The following WNT3A variants were observed in gnomAD, a reference collection of about 807,000 sequenced individuals.
WNT3A encodes Wnt family member 3A, also known as protein Wnt-3a.
In WNT3A, 17 loss-of-function variants were observed where a neutral mutation model predicts 37.0. The observed-to-expected ratio is 0.46, with a 90% CI of 0.31 to 0.69. The LOEUF (loss-of-function observed/expected upper bound fraction) is 0.69. Ranked by LOEUF, WNT3A falls within the 30% of genes least tolerant of loss-of-function variation. The pLI is 0.05. For missense variants in WNT3A, 411 were observed against 510.2 expected (o/e 0.81, Z 1.87); for synonymous variants, 187 against 211.0 (o/e 0.89, Z 0.99).
chr1:228,045,971 G>A (rs1186823249), intron 2 of WNT3A, among the ~76,000 whole-genome samples: 1 of 152,242 alleles, frequency 6.6e-6, no homozygotes, highest in African/African-American at 2.4e-5. Flanking sequence ...CGCGGCTAGG[G>A]AGGGAGTCAG....
chr1:228,012,739 T>C (rs186135331), intron 1 of WNT3A, among the ~76,000 whole-genome samples: 1 of 151,888 alleles, frequency 6.6e-6, no homozygotes, highest in Admixed American at 6.6e-5. Context: ...GGGGCAGAGG[T>C]TGCAGGTGCC....
At chr1:228,034,758 C>G (rs990261266) in intron 2 of WNT3A, among the ~76,000 whole-genome samples, 4 of 152,154 alleles carry the variant, frequency 2.6e-5, no homozygotes, top group Non-Finnish European at 5.9e-5. Flanking sequence ...CAGCCCATGA[C>G]TCAGTTAGGT....
At chr1:228,048,991 A>G (rs1398747218) in intron 2 of WNT3A, among the ~76,000 whole-genome samples, 1 of 152,022 alleles carries the variant, frequency 6.6e-6, no homozygotes, top group Non-Finnish European at 1.5e-5. Flanking sequence ...CTTGGCCTCT[A>G]TTTCCCCATT....
chr1:228,035,863 A>C, intron 2 of WNT3A, among the ~76,000 whole-genome samples: 4 of 151,080 alleles, frequency 2.6e-5, no homozygotes, highest in Admixed American at 1.3e-4. Flanking sequence ...TGATCCTACT[A>C]CCCCCTTCTC....
In WNT3A at chr1:228,054,450, C is replaced by T. The variant is rs577961217; in HGVS notation, c.579+3529C>T. On this transcript the variant is annotated intron_variant, in intron 3 of 3. Transcript: ENST00000284523. Reference sequence around the variant, plus strand: ...CCATCCTGGCTAACATGGTGAAACCCGGTCTCTACTAAAAAATAACAAAAA... The same window carrying T: ...CCATCCTGGCTAACATGGTGAAACCTGGTCTCTACTAAAAAATAACAAAAA... Among the ~76,000 whole-genome samples, 293 of 151,222 alleles carry T rather than the reference C, an allele frequency of 1.9e-3. 1 individual carries two copies. Among genetic ancestry groups the T allele is most frequent in the African/African-American group, 6.8e-3 (282 of 41,226 alleles).
intron 2 of WNT3A, among the ~76,000 whole-genome samples, chr1:228,030,216 G>A (rs1353399361): frequency 1.3e-5 from 2 of 151,938 alleles, no homozygotes; most frequent in Admixed American, 6.6e-5. Context: ...CTAACATGGT[G>A]AAACCCTGCC....
intron 2 of WNT3A, among the ~76,000 whole-genome samples, chr1:228,035,282 G>A (rs961247100): frequency 5.9e-5 from 9 of 152,200 alleles, no homozygotes; most frequent in Admixed American, 4.6e-4. Flanking sequence ...CCAGCAGTGC[G>A]GTGACCCTGT....
intron 2 of WNT3A, among the ~76,000 whole-genome samples, chr1:228,027,513 T>C (rs2030880809): frequency 6.6e-6 from 1 of 152,360 alleles, no homozygotes; most frequent in East Asian, 1.9e-4. Flanking sequence ...AATTTGTGTT[T>C]CCCTCATGAT....
chr1:228,047,285 C>T (rs1049193881), intron 2 of WNT3A, among the ~76,000 whole-genome samples: 34 of 152,302 alleles, frequency 2.2e-4, no homozygotes, highest in African/African-American at 7.5e-4. Context: ...GTTGGCCAAT[C>T]CACAGAAAAG....
chr1:228,044,687 G>A (rs1428337610), intron 2 of WNT3A, among the ~76,000 whole-genome samples: 1 of 152,252 alleles, frequency 6.6e-6, no homozygotes, highest in East Asian at 1.9e-4. Context: ...ATAAGGTGGT[G>A]TCTGCCAGGC....
chr1:228,021,246 C>G (rs538503944), intron 1 of WNT3A, among the ~76,000 whole-genome samples: 1 of 152,156 alleles, frequency 6.6e-6, no homozygotes, highest in Non-Finnish European at 1.5e-5. Context: ...CTGGTGCCAC[C>G]GAAGGGCTGA....
chr1:228,040,609 C>A lies in WNT3A; in HGVS notation c.314-10047C>A, dbSNP rs913148518. On this transcript the variant is annotated intron_variant, in intron 2 of 3. Coordinates refer to ENST00000284523, the MANE Select transcript of WNT3A (RefSeq NM_033131.4). ...TTAAGAATTTGGAAACATGGCCGGG[C>A]GCAGTGGCTCATGCCTGTAATCTCA... 2.6e-5 allele frequency among the ~76,000 whole-genome samples: 4 copies of A among 152,090 alleles called. No homozygotes were observed. In the South Asian group the frequency reaches 8.3e-4, roughly 32 times the overall value.
intron 2 of WNT3A, among the ~76,000 whole-genome samples, chr1:228,033,322 C>G (rs1459560530): frequency 6.6e-6 from 1 of 151,542 alleles, no homozygotes. Context: ...TTAGTGCTTA[C>G]ATCTCGGTCT....
chr1:228,036,961 G>A (rs985621562), intron 2 of WNT3A, among the ~76,000 whole-genome samples: 1 of 152,148 alleles, frequency 6.6e-6, no homozygotes, highest in Non-Finnish European at 1.5e-5. Flanking sequence ...GGAGCCTAGG[G>A]ATGCCACCTG....
rs376951430 is a variant in WNT3A, at chr1:228,050,622, C to A, written c.314-34C>A. 3 of 1,551,388 alleles carry A rather than the reference C, an allele frequency of 1.9e-6. No homozygotes were observed. Among genetic ancestry groups the A allele is most frequent in the Admixed American group, 1.9e-5 (1 of 52,814 alleles). ...GCCCAAGGCGGTCCTTTGAGCTGAG[C>A]CCTGTTAACCCTGCATCTCTCCTCT... On this transcript the variant is annotated intron_variant, in intron 2 of 3. Transcript: ENST00000284523. This position sits in a 1 kb window ranked among gnomAD's most constrained non-coding sequence, Gnocchi z 5.0.
chr1:228,038,502 G>A lies in WNT3A; in HGVS notation c.314-12154G>A, dbSNP rs539253210. ...AGATGACATGACATTTGGGGCCACA[G>A]TGACCTGCAGGCCCCTGGCCAGTCT... On this transcript the variant is annotated intron_variant, in intron 2 of 3. Transcript: ENST00000284523. The surrounding 1 kb of genome is among the most constrained non-coding windows in gnomAD (Gnocchi z 5.7). Among the ~76,000 whole-genome samples the A allele has an allele frequency of 4.6e-5, 7 of 152,342 alleles. No homozygotes were observed. The South Asian group carries it at 1.4e-3, about 32-fold the overall frequency.
intron 3 of WNT3A, among the ~76,000 whole-genome samples, chr1:228,054,460 T>C (rs964704800): frequency 6.6e-6 from 1 of 151,144 alleles, no homozygotes; most frequent in Non-Finnish European, 1.5e-5. Context: ...CGGTCTCTAC[T>C]AAAAAATAAC....
At chr1:228,013,883 A>C (rs1478661443) in intron 1 of WNT3A, among the ~76,000 whole-genome samples, 1 of 152,218 alleles carries the variant, frequency 6.6e-6, no homozygotes, top group Non-Finnish European at 1.5e-5. Context: ...CCTGATCTTA[A>C]GAAGACAAAG....
At chr1:228,036,276 A>G (rs1571804895) in intron 2 of WNT3A, among the ~76,000 whole-genome samples, 1 of 152,138 alleles carries the variant, frequency 6.6e-6, no homozygotes, top group Non-Finnish European at 1.5e-5. Flanking sequence ...GTGTGTGCAC[A>G]TGTGAGTGTA....
Sources: allele counts gnomAD v4.1 joint callset (sites outside exome capture counted in the v4.1 genomes callset), GRCh38; gene constraint gnomAD v4.1.1; non-coding constraint Gnocchi (gnomAD v3.1); transcripts MANE v1.5; gene names NCBI Gene and HGNC (gene_info 2026-07-23, HGNC 2026-07-21).